EFCAB7: variants seen among roughly 807,000 people sequenced by gnomAD.
EFCAB7 encodes the protein EF-hand calcium binding domain 7.
In EFCAB7, 66 loss-of-function variants were observed where a neutral mutation model predicts 77.1. The observed-to-expected ratio is 0.86, with a 90% CI of 0.70 to 1.05. EFCAB7 has a LOEUF of 1.05. Among genes scored for constraint, EFCAB7 ranks in the 50% least tolerant of loss-of-function variants. The pLI is 0.00. For missense variants in EFCAB7, 638 were observed against 730.5 expected, an observed-to-expected ratio of 0.87 and a Z score of 1.46; for synonymous variants, 225 against 243.3, an observed-to-expected ratio of 0.92 and a Z score of 0.70.
chr1:63,571,503 A>G (rs548105580), intron 13 of EFCAB7, among the ~76,000 whole-genome samples: 4 of 151,904 alleles, frequency 2.6e-5, no homozygotes, highest in Non-Finnish European at 5.9e-5. Flanking sequence ...GTGAAACCCC[A>G]TCTCTACAAA....
intron 5 of EFCAB7, among the ~76,000 whole-genome samples, chr1:63,533,893 T>A (rs1646731390): frequency 6.6e-6 from 1 of 152,168 alleles, no homozygotes; most frequent in African/African-American, 2.4e-5. Context: ...GGTGACATAT[T>A]GAAATAAGAA....
At chr1:63,545,286 A>G (rs543356997) in intron 6 of EFCAB7, among the ~76,000 whole-genome samples, 11 of 152,096 alleles carry the variant, frequency 7.2e-5, no homozygotes, top group Middle Eastern at 3.4e-3. Flanking sequence ...AATGCTATCT[A>G]TTCTTCATGA....
the EFCAB7 span, among the ~76,000 whole-genome samples, chr1:63,582,526 C>T: frequency 6.6e-6 from 1 of 152,150 alleles, no homozygotes; most frequent in Non-Finnish European, 1.5e-5. Context: ...TATGTGGGTA[C>T]AGGATTGCTA....
At chr1:63,558,816 G>A (rs1379543977) in intron 10 of EFCAB7, among the ~76,000 whole-genome samples, 1 of 151,692 alleles carries the variant, frequency 6.6e-6, no homozygotes, top group Non-Finnish European at 1.5e-5. Flanking sequence ...AGGCTGGAGT[G>A]CAGTGGCGTG....
intron 6 of EFCAB7, among the ~76,000 whole-genome samples, chr1:63,543,519 CTAAG>C (rs760209700): frequency 3.3e-5 from 5 of 152,038 alleles, no homozygotes; most frequent in African/African-American, 9.7e-5. Flanking sequence ...ACATGAAAAT[CTAAG>C]TAGGGCATTA....
At chr1:63,539,700 T>TA (rs1363801711) in intron 6 of EFCAB7, among the ~76,000 whole-genome samples, 1 of 152,202 alleles carries the variant, frequency 6.6e-6, no homozygotes, top group East Asian at 1.9e-4. Context: ...CTTCTACTTT[T>TA]ATAAGTCTGT....
At chr1:63,573,725 G>A (rs181663749), downstream of EFCAB7, among the ~76,000 whole-genome samples, 411 of 152,240 alleles carry the variant, frequency 2.7e-3, no homozygotes, top group African/African-American at 9.6e-3. Context: ...TGAGACTGAG[G>A]CCTACTAAAA....
intron 2 of EFCAB7, among the ~76,000 whole-genome samples, chr1:63,526,858 G>A (rs1236160023): frequency 6.6e-6 from 1 of 151,986 alleles, no homozygotes; most frequent in African/African-American, 2.4e-5. Flanking sequence ...TCTGCCTCCT[G>A]GGTTCCAGCG....
chr1:63,553,088 T>C (rs937385171), intron 8 of EFCAB7, among the ~76,000 whole-genome samples: 1 of 152,242 alleles, frequency 6.6e-6, no homozygotes, highest in African/African-American at 2.4e-5. Flanking sequence ...ATGTTGTATT[T>C]ACAAAGGATT....
intron 11 of EFCAB7, among the ~76,000 whole-genome samples, chr1:63,566,283 G>A (rs142147329): frequency 0.018 from 2,698 of 152,240 alleles, 28 homozygotes; most frequent in Non-Finnish European, 0.029. Context: ...ATTTATAAGC[G>A]GGAGCTAAAT....
intron 10 of EFCAB7, among the ~76,000 whole-genome samples, chr1:63,558,773 AT>A (rs1203502739): frequency 6.6e-6 from 1 of 151,602 alleles, no homozygotes; most frequent in African/African-American, 2.4e-5. Context: ...TTATTTATTT[AT>A]TTTTTTGAGA....
intron 1 of EFCAB7, among the ~76,000 whole-genome samples, chr1:63,524,143 G>C (rs1030505062): frequency 4.6e-5 from 7 of 152,134 alleles, no homozygotes; most frequent in African/African-American, 1.7e-4. Flanking sequence ...ATGTGAGGGA[G>C]TTGCCTTGTT....
chr1:63,533,860 A>G (rs74078252), intron 5 of EFCAB7, among the ~76,000 whole-genome samples: 5 of 152,170 alleles, frequency 3.3e-5, no homozygotes, highest in Admixed American at 6.5e-5. Context: ...ATATTTTATT[A>G]AAACTAAAAT....
At chr1:63,553,423 T>C (rs1299913428) in intron 8 of EFCAB7, among the ~76,000 whole-genome samples, 5 of 152,076 alleles carry the variant, frequency 3.3e-5, no homozygotes, top group Admixed American at 3.3e-4. Flanking sequence ...CACTGCAACC[T>C]CCGCCTCCCG....
At chr1:63,550,873 C>T (rs1245602144) in intron 7 of EFCAB7, among the ~76,000 whole-genome samples, 1 of 152,022 alleles carries the variant, frequency 6.6e-6, no homozygotes, top group Non-Finnish European at 1.5e-5. Flanking sequence ...AGATTTTTGA[C>T]CTGAGCAACT....
chr1:63,551,677 T>C, intron 7 of EFCAB7, 48 bp from the exon 8 acceptor site: 1 of 841,762 alleles, frequency 1.2e-6, no homozygotes, highest in Non-Finnish European at 1.8e-6. Flanking sequence ...AAAGAATAGA[T>C]AGTGATTGCT....
chr1:63,582,077 A>G, the EFCAB7 span, among the ~76,000 whole-genome samples: 1 of 152,228 alleles, frequency 6.6e-6, no homozygotes, highest in Non-Finnish European at 1.5e-5. Flanking sequence ...GTGAGTATCC[A>G]CTGAAAACAC....
downstream of EFCAB7, among the ~76,000 whole-genome samples, chr1:63,574,007 G>A (rs1276244482): frequency 1.3e-5 from 2 of 152,304 alleles, no homozygotes; most frequent in East Asian, 1.9e-4. Flanking sequence ...TGACAGAAGC[G>A]AAGAAATGAC....
downstream of EFCAB7, among the ~76,000 whole-genome samples, chr1:63,574,608 C>CATTGTCTTGAGCG (rs1553175162): frequency 6.6e-6 from 1 of 152,132 alleles, no homozygotes; most frequent in African/African-American, 2.4e-5. Flanking sequence ...TCAGCATAAG[C>CATTGTCTTGAGCG]ATTGTCTTGA....
Sources: allele counts gnomAD v4.1 joint callset (sites outside exome capture counted in the v4.1 genomes callset), GRCh38; gene constraint gnomAD v4.1.1; transcripts MANE v1.5; gene names NCBI Gene and HGNC (gene_info 2026-07-23, HGNC 2026-07-21).